The following ZNF264 variants were observed in gnomAD, a reference collection of about 807,000 sequenced individuals.
The protein encoded by ZNF264 is zinc finger protein 264.
ZNF264 carries 11 observed loss-of-function variants against 11.2 expected under a neutral mutation model. The observed-to-expected ratio is 0.98, with a 90% CI of 0.62 to 1.63. The LOEUF is 1.63. Ranked by LOEUF, ZNF264 falls within the 40% of genes most tolerant of loss-of-function variation. The pLI is 0.00. For synonymous variants in ZNF264, 309 were observed against 279.8 expected (o/e 1.10, Z -1.04); for missense variants, 752 against 768.1 (o/e 0.98, Z 0.25).
chr19:57,212,647 G>A lies in ZNF264; in HGVS notation c.1550G>A (p.Gly517Glu). The A allele has an allele frequency of 6.2e-7, 1 of 1,614,076 alleles. No individual in the cohort carries two copies. Among genetic ancestry groups the A allele is most frequent in the African/African-American group, 1.3e-5 (1 of 75,010 alleles). Reference sequence around the variant, plus strand: ...AAGCCCTATGAATGTGTTGAGTGTGGGAAATCGTTTTGCTGGAGCACAAAC... The same window carrying A: ...AAGCCCTATGAATGTGTTGAGTGTGAGAAATCGTTTTGCTGGAGCACAAAC... Reference protein sequence around the residue: ...GEKPYECVECGKSFCWSTNLI... With the variant: ...GEKPYECVECEKSFCWSTNLI... Residue 517 changes from glycine to glutamate, a missense_variant, in exon 4 of 4, where the codon GGG becomes GAG. Physicochemically the swap from Gly to Glu is moderately conservative, Grantham distance 98. Coordinates refer to ENST00000263095, the MANE Select transcript of ZNF264 (RefSeq NM_003417.5).
At chr19:57,194,716 G>C (rs1026222822) in intron 2 of ZNF264, 1 of 398,862 alleles carries the variant, frequency 2.5e-6, no homozygotes, top group Non-Finnish European at 4.4e-6. Context: ...CAGATTAAGG[G>C]GGGGGTCTGC....
chr19:57,204,373 A>C (rs922724939), intron 2 of ZNF264, among the ~76,000 whole-genome samples: 7 of 152,148 alleles, frequency 4.6e-5, no homozygotes, highest in African/African-American at 7.2e-5. Flanking sequence ...CTGTGTCCCC[A>C]CCCATATCTC....
rs200787513 is a variant in ZNF264, at chr19:57,211,943, T to C, written c.846T>C (p.Ser282=). ...SYLTQHQRIH[S]GEKPYKCNEC... Reference sequence around the variant, plus strand: ...TTACCCAGCACCAGCGGATTCACAGTGGAGAGAAGCCTTACAAGTGCAATG... The same window carrying C: ...TTACCCAGCACCAGCGGATTCACAGCGGAGAGAAGCCTTACAAGTGCAATG... Residue 282 remains serine, a synonymous_variant, in exon 4 of 4, where the codon AGT becomes AGC. Coordinates refer to ENST00000263095, the MANE Select transcript of ZNF264 (RefSeq NM_003417.5). The C allele has an allele frequency of 1.9e-6, 3 of 1,613,862 alleles. No individual in the cohort carries two copies.
rs528396877 is a variant in ZNF264, at chr19:57,207,774, G to A, written c.256+2282G>A. Among the ~76,000 whole-genome samples, 11 of 149,370 alleles carry A rather than the reference G, an allele frequency of 7.4e-5. No homozygotes were observed. The East Asian group carries it at 1.4e-3, about 19-fold the overall frequency. Reference sequence around the variant, plus strand: ...GGAGTTTTGCTGTTGTTGCCCAGGCGGGAGTACAATGGCGCAATCTCGGCT... The same window carrying A: ...GGAGTTTTGCTGTTGTTGCCCAGGCAGGAGTACAATGGCGCAATCTCGGCT... On this transcript the variant is annotated intron_variant, in intron 3 of 3. Transcript: ENST00000263095.
rs1429674672 is a variant in ZNF264, at chr19:57,214,674, G to T, written c.*1693G>T. ...AGCATGTTCAGTTTTTCATCATGAA[G>T]TATAATGTAAGTTTTATAAAACATA... On this transcript the variant is annotated 3_prime_UTR_variant, in exon 4 of 4. Transcript: ENST00000263095. The T allele has an allele frequency of 6.6e-6, 1 of 152,174 alleles. No homozygotes were observed. Among genetic ancestry groups the T allele is most frequent in the African/African-American group, 2.4e-5 (1 of 41,438 alleles). The allele number at this position is 152,174 out of a possible 1,614,324, so 9.4% of individuals were successfully genotyped here. A position where few individuals can be genotyped will look rare whatever the true frequency, so the allele number is the denominator to read the frequency against.
chr19:57,192,037 T>G, intron 1 of ZNF264, 91 bp downstream of exon 1: 1 of 1,248,560 alleles, frequency 8.0e-7, no homozygotes, highest in Non-Finnish European at 1.1e-6. Flanking sequence ...CCCCTGGATT[T>G]GTCTTCGCAG....
chr19:57,212,860 T>A lies in ZNF264; in HGVS notation c.1763T>A (p.Leu588His), dbSNP rs748366372. The change falls in exon 4 of 4, where the codon CTT becomes CAT. Residue 588 changes from leucine (L) to histidine (H), a missense_variant. By Grantham distance (99) the Leu-to-His change is moderately conservative. Transcript: ENST00000263095. Reference sequence around the variant, plus strand: ...CAAACCTCAGTTACCCTTCGAGAACTTCTTTTAGGGAAGGACTTTTTGAAT... The same window carrying A: ...CAAACCTCAGTTACCCTTCGAGAACATCTTTTAGGGAAGGACTTTTTGAAT... ...SGQTSVTLRELLLGKDFLNVT... is the reference protein window; with the variant it reads ...SGQTSVTLREHLLGKDFLNVT... 6.2e-7 allele frequency: 1 copy of A among 1,614,018 alleles called. No homozygotes were observed. The highest frequency in any genetic ancestry group is 1.3e-5 in the African/African-American group (1 of 74,932).
intron 2 of ZNF264, among the ~76,000 whole-genome samples, chr19:57,200,554 TTG>T (rs1417277108): frequency 3.9e-5 from 3 of 76,868 alleles, no homozygotes; most frequent in Admixed American, 1.2e-4. Context: ...CTCTTGTGTC[TTG>T]TGTCTTGTCT....
At chr19:57,201,172 G>A (rs1364023975) in intron 2 of ZNF264, among the ~76,000 whole-genome samples, 1 of 151,964 alleles carries the variant, frequency 6.6e-6, no homozygotes, top group Non-Finnish European at 1.5e-5. Flanking sequence ...TGGTACATAA[G>A]GTTTAAAAGT....
At position 57,217,190 on chromosome 19, in the gene ZNF264, G is replaced by C. The variant is rs1288824914; in HGVS notation, c.*4209G>C. 2.0e-5 allele frequency: 3 copies of C among 152,140 alleles called. No individual in the cohort carries two copies. The East Asian group carries it at 5.8e-4, about 29-fold the overall frequency. 9.4% of individuals were successfully genotyped at this position (152,140 alleles called of 1,614,324 possible). A position where few individuals can be genotyped will look rare whatever the true frequency, so the allele number is the denominator to read the frequency against. On this transcript the variant is annotated 3_prime_UTR_variant, in exon 4 of 4. Coordinates refer to ENST00000263095, the MANE Select transcript of ZNF264 (RefSeq NM_003417.5). Reference sequence around the variant, plus strand: ...CGCATTCGCACCATTGTAAAGTCAAGTAGTAAGTCGAACCATCCTAAGTCA... The same window carrying C: ...CGCATTCGCACCATTGTAAAGTCAACTAGTAAGTCGAACCATCCTAAGTCA...
chr19:57,191,987 G>T (rs371394259), intron 1 of ZNF264, 41 bp downstream of exon 1: 60 of 1,498,580 alleles, frequency 4.0e-5, no homozygotes, highest in Non-Finnish European at 4.5e-5. Flanking sequence ...TTCCTTGCCA[G>T]CGCTGAGGCG....
chr19:57,194,836 A>G (rs1181688840), intron 2 of ZNF264: 1 of 400,136 alleles, frequency 2.5e-6, no homozygotes, highest in Non-Finnish European at 4.4e-6. Flanking sequence ...ACACATTAAT[A>G]AAAATCCCAG....
In ZNF264 at chr19:57,212,250, G is replaced by T. The variant is rs1308224845; in HGVS notation, c.1153G>T (p.Ala385Ser). The change falls in exon 4 of 4, where the codon GCC becomes TCC. Residue 385 changes from alanine (A) to serine (S), a missense_variant. Physicochemically the swap from Ala to Ser is moderately conservative, Grantham distance 99 (BLOSUM62 1). Coordinates refer to ENST00000263095, the MANE Select transcript of ZNF264 (RefSeq NM_003417.5). The part of the protein sequence containing the change: ...ECGKVFLESA[A>S]LIHHYVIHTG... ...TGGGAAGGTCTTCTTGGAGAGTGCA[G>T]CCCTGATTCACCACTATGTCATCCA... 4 of 1,613,866 alleles carry T rather than the reference G, an allele frequency of 2.5e-6. No homozygotes were observed. The highest frequency in any genetic ancestry group is 2.2e-5 in the South Asian group (2 of 91,064).
In ZNF264 at chr19:57,213,219, CT is replaced by C. The variant is rs1244239340; in HGVS notation, c.*242del. ...GAAAAAATGAAATGCAAGCACACAT[CT>C]TTTCAGGCTTCTCTGCCAAGCCTAT... On this transcript the variant is annotated 3_prime_UTR_variant, in exon 4 of 4. Transcript: ENST00000263095. The C allele has an allele frequency of 5.1e-6, 2 of 390,974 alleles. No homozygotes were observed. The highest frequency in any genetic ancestry group is 4.0e-5 in the African/African-American group (2 of 49,900). The allele number at this position is 390,974 out of a possible 1,614,324, so 24.2% of individuals were successfully genotyped here.
intron 1 of ZNF264, chr19:57,193,385 A>G (rs2087189303): frequency 2.2e-6 from 1 of 463,158 alleles, no homozygotes; most frequent in African/African-American, 2.1e-5. Context: ...TGATCCAGAA[A>G]TCAAGGCTCA....
intron 3 of ZNF264, among the ~76,000 whole-genome samples, chr19:57,208,517 T>G (rs1003564606): frequency 6.6e-6 from 1 of 152,108 alleles, no homozygotes; most frequent in Non-Finnish European, 1.5e-5. Flanking sequence ...CACTCCAGCC[T>G]GGGTGACAGT....
chr19:57,195,439 CCTT>C (rs1286760848), intron 2 of ZNF264, among the ~76,000 whole-genome samples: 2 of 152,220 alleles, frequency 1.3e-5, no homozygotes, highest in African/African-American at 4.8e-5. Flanking sequence ...TTAATGACTA[CCTT>C]CTTCTCCTGC....
chr19:57,206,665 T>C (rs542525133), intron 3 of ZNF264, among the ~76,000 whole-genome samples: 1 of 151,838 alleles, frequency 6.6e-6, no homozygotes, highest in Non-Finnish European at 1.5e-5. Context: ...TAAAGAGTGA[T>C]GCTATGTTAC....
At chr19:57,203,278 T>C (rs2087266730) in intron 2 of ZNF264, among the ~76,000 whole-genome samples, 1 of 151,924 alleles carries the variant, frequency 6.6e-6, no homozygotes, top group African/African-American at 2.4e-5. Context: ...ATGTGAGAGT[T>C]TGTTAAAGAA....
Sources: allele counts gnomAD v4.1 joint callset (sites outside exome capture counted in the v4.1 genomes callset), GRCh38; gene constraint gnomAD v4.1.1; transcripts MANE v1.5; gene names NCBI Gene and HGNC (gene_info 2026-07-23, HGNC 2026-07-21).